IL34: variants seen among roughly 807,000 people sequenced by gnomAD.
The protein encoded by IL34 is interleukin-34.
A neutral mutation model predicts 25.3 loss-of-function variants in IL34; 17 were observed. The observed-to-expected ratio is 0.67, with a 90% CI of 0.46 to 1.01. The LOEUF (loss-of-function observed/expected upper bound fraction) is 1.01. Among genes scored for constraint, IL34 ranks in the 50% least tolerant of loss-of-function variants. IL34 has a pLI of 0.00. For missense variants in IL34, 368 were observed against 312.9 expected, an observed-to-expected ratio of 1.18 and a Z score of -1.33; for synonymous variants, 174 against 140.9, an observed-to-expected ratio of 1.23 and a Z score of -1.66.
intron 1 of IL34, among the ~76,000 whole-genome samples, chr16:70,599,502 G>C (rs1026974753): frequency 6.6e-6 from 1 of 151,020 alleles, no homozygotes. Context: ...GACTACAGGC[G>C]TGTGCCAACA....
chr16:70,625,888 G>A (rs997138873), intron 1 of IL34, among the ~76,000 whole-genome samples: 1 of 152,208 alleles, frequency 6.6e-6, no homozygotes, highest in Non-Finnish European at 1.5e-5. Flanking sequence ...TTGGTGAGAT[G>A]TTTCTTGGGC....
At chr16:70,640,640 AAAG>A (rs1379637947) in intron 1 of IL34, among the ~76,000 whole-genome samples, 1 of 151,636 alleles carries the variant, frequency 6.6e-6, no homozygotes, top group African/African-American at 2.4e-5. Context: ...AAAAAAAAAA[AAAG>A]TTAGTTTTTA....
intron 1 of IL34, among the ~76,000 whole-genome samples, chr16:70,604,672 A>G (rs2050971402): frequency 6.6e-6 from 1 of 152,236 alleles, no homozygotes; most frequent in Admixed American, 6.5e-5. Flanking sequence ...CAGCCGTGCC[A>G]GGTCTAGATT....
intron 1 of IL34, among the ~76,000 whole-genome samples, chr16:70,627,399 C>T (rs1411546627): frequency 1.3e-5 from 2 of 151,446 alleles, no homozygotes; most frequent in Admixed American, 6.6e-5. Flanking sequence ...ACTCACTATC[C>T]CTCCCTCCCT....
intron 1 of IL34, among the ~76,000 whole-genome samples, chr16:70,635,759 T>C (rs1253426714): frequency 3.3e-5 from 5 of 152,200 alleles, no homozygotes; most frequent in Admixed American, 6.5e-5. Context: ...CCTACGTTTT[T>C]CCAAAACCCA....
rs1402695109 is a variant in IL34 at position 70,660,007 on chromosome 16, C to G, written c.549C>G (p.Ser183Arg). The G allele has an allele frequency of 1.5e-5, 24 of 1,586,316 alleles. No homozygotes were observed. The highest frequency in any genetic ancestry group is 1.9e-5 in the Non-Finnish European group (22 of 1,170,834). Reference sequence around the variant, plus strand: ...CCCTATCTCTTGCAGGTAAACAAAGCTCCGTCCTAAACTGGCAGGACTGTG... The same window carrying G: ...CCCTATCTCTTGCAGGTAAACAAAGGTCCGTCCTAAACTGGCAGGACTGTG... ...ELLYCSCCKQ[S>R]SVLNWQDCEV... Residue 183 changes from serine (S) to arginine (R), a missense_variant, in exon 6 of 6, where the codon AGC becomes AGG. Transcript: ENST00000288098.
rs781308018 is a variant in IL34 at position 70,656,991 on chromosome 16, G to A, written c.272G>A (p.Arg91Gln). 8 of 1,611,512 alleles carry A rather than the reference G, an allele frequency of 5.0e-6. No individual in the cohort carries two copies. Among genetic ancestry groups the A allele is most frequent in the East Asian group, 2.2e-5 (1 of 44,838 alleles). ...GCCCAGGTGAGCGAGCGGGAGCTGCGGTATCTGTGGGTCTTGGTGAGCCTC... is the reference window on the plus strand; with the variant it reads ...GCCCAGGTGAGCGAGCGGGAGCTGCAGTATCTGTGGGTCTTGGTGAGCCTC... ...QRAQVSERELRYLWVLVSLSA... is the reference protein window; with the variant it reads ...QRAQVSERELQYLWVLVSLSA... Residue 91 changes from arginine to glutamine, a missense_variant, in exon 4 of 6, where the codon CGG becomes CAG. Coordinates refer to ENST00000288098, the MANE Select transcript of IL34 (RefSeq NM_001393494.1).
At chr16:70,631,748 G>A (rs949152757) in intron 1 of IL34, among the ~76,000 whole-genome samples, 5 of 152,184 alleles carry the variant, frequency 3.3e-5, no homozygotes, top group African/African-American at 9.7e-5. Flanking sequence ...GGTATACACT[G>A]GGCGGGATAG....
At chr16:70,633,975 G>T (rs527360116) in intron 1 of IL34, among the ~76,000 whole-genome samples, 60 of 151,932 alleles carry the variant, frequency 3.9e-4, no homozygotes, top group African/African-American at 1.4e-3. Flanking sequence ...CTCAGCCTCC[G>T]GAGTAGCTGG....
At chr16:70,591,934 A>C (rs2050760187) in intron 1 of IL34, among the ~76,000 whole-genome samples, 1 of 149,620 alleles carries the variant, frequency 6.7e-6, no homozygotes, top group Non-Finnish European at 1.5e-5. Flanking sequence ...GGAGGAGCAA[A>C]GTGCATTTGA....
At chr16:70,587,388 G>C (rs2050707161) in intron 1 of IL34, among the ~76,000 whole-genome samples, 1 of 152,070 alleles carries the variant, frequency 6.6e-6, no homozygotes, top group Non-Finnish European at 1.5e-5. Context: ...TCCTGCCTCA[G>C]CCTCCCGAGT....
intron 1 of IL34, among the ~76,000 whole-genome samples, chr16:70,601,592 G>A (rs1452460385): frequency 6.6e-6 from 1 of 152,182 alleles, no homozygotes; most frequent in Non-Finnish European, 1.5e-5. Context: ...TAGAGACGGG[G>A]TTTTGCCATG....
chr16:70,652,575 G>A (rs1464859833), intron 1 of IL34, among the ~76,000 whole-genome samples: 1 of 152,226 alleles, frequency 6.6e-6, no homozygotes. Context: ...TGTTCTCATA[G>A]CACAGCCACA....
chr16:70,646,972 C>T lies in IL34; in HGVS notation c.25C>T (p.Arg9Cys), dbSNP rs369011177. 1.6e-4 allele frequency: 237 copies of T among 1,461,944 alleles called. No individual in the cohort carries two copies. Among genetic ancestry groups the T allele is most frequent in the Non-Finnish European group, 1.9e-4 (213 of 1,114,838 alleles). The allele number at this position is 1,461,944 out of a possible 1,614,324, so 90.6% of individuals were successfully genotyped here. A position where few individuals can be genotyped will look rare whatever the true frequency, so the allele number is the denominator to read the frequency against. Residue 9 changes from arginine to cysteine, a missense_variant, in exon 1 of 6, where the codon CGC becomes TGC. By Grantham distance (180) the Arg-to-Cys change is radical. Transcript: ENST00000288098. ...CATGCCCCGGGGCTTCACCTGGCTG[C>T]GCTGTGAGTACTGGGGGGTCCCTAG... The part of the protein sequence containing the change: MPRGFTWL[R>C]YLGIFLGVAL...
rs147393655 is a variant in IL34 at position 70,638,298 on chromosome 16, A to G, written c.-400-8250A>G. Among the ~76,000 whole-genome samples the G allele has an allele frequency of 2.6e-4, 40 of 152,236 alleles. 1 individual carries two copies. In the East Asian group the frequency reaches 7.7e-3, roughly 29 times the overall value. On this transcript the variant is annotated intron_variant, in intron 1 of 6. Coordinates refer to the IL34 transcript ENST00000429149. Reference sequence around the variant, plus strand: ...TCAAGACCAGCCTGGGCAACTTAGCAAGACCTTGTCTCTACAAAAGAACTG... The same window carrying G: ...TCAAGACCAGCCTGGGCAACTTAGCGAGACCTTGTCTCTACAAAAGAACTG...
At chr16:70,628,779 A>T (rs1375766529) in intron 1 of IL34, among the ~76,000 whole-genome samples, 1 of 133,750 alleles carries the variant, frequency 7.5e-6, no homozygotes, top group African/African-American at 2.9e-5. Flanking sequence ...GAGCCATCAC[A>T]CCTGGTCTTT....
At chr16:70,657,353 G>C in intron 4 of IL34, 1 of 545,406 alleles carries the variant, frequency 1.8e-6, no homozygotes, top group Non-Finnish European at 3.3e-6. Context: ...CGATGCCTCT[G>C]AGACTCTGTT....
At chr16:70,620,634 G>A (rs540619758) in intron 1 of IL34, among the ~76,000 whole-genome samples, 144 of 152,314 alleles carry the variant, frequency 9.5e-4, no homozygotes, top group South Asian at 3.7e-3. Context: ...GTTGCATTGG[G>A]CACAGAGACT....
intron 1 of IL34, among the ~76,000 whole-genome samples, chr16:70,623,309 G>C (rs1364280852): frequency 1.3e-5 from 2 of 152,068 alleles, no homozygotes; most frequent in Non-Finnish European, 2.9e-5. Context: ...ATTGTGGAGG[G>C]AGGTATGGAG....
Sources: allele counts gnomAD v4.1 joint callset (sites outside exome capture counted in the v4.1 genomes callset), GRCh38; gene constraint gnomAD v4.1.1; transcripts MANE v1.5; gene names NCBI Gene and HGNC (gene_info 2026-07-23, HGNC 2026-07-21).